NAV3: variants seen among roughly 807,000 people sequenced by gnomAD.
The protein encoded by NAV3 is pore membrane and/or filament interacting like protein 1.
In NAV3, 87 loss-of-function variants were observed where a neutral mutation model predicts 244.7. The observed-to-expected ratio is 0.36, with a 90% CI of 0.30 to 0.42. NAV3 has a LOEUF of 0.42. Among genes scored for constraint, NAV3 ranks in the 20% least tolerant of loss-of-function variants. NAV3 has a pLI of 1.00. For synonymous variants in NAV3, 1,126 were observed against 1,042.2 expected (o/e 1.08, Z -1.55); for missense variants, 2,663 against 2,893.3 (o/e 0.92, Z 1.83).
intron 2 of NAV3, among the ~76,000 whole-genome samples, chr12:77,754,664 C>G (rs1408543835): frequency 2.0e-5 from 3 of 152,072 alleles, no homozygotes; most frequent in Admixed American, 2.0e-4. Context: ...AATGGCAGCC[C>G]CATTGACTAG....
chr12:77,675,130 T>C lies in NAV3; in HGVS notation c.72+102864T>C, dbSNP rs1449333707. ...TTATTTACACATACTAAATAACTCA[T>C]GCAACAAATCAGAAGTAAAGAAAAA... On this transcript the variant is annotated intron_variant, in intron 2 of 8. Transcript: ENST00000550042. Among the ~76,000 whole-genome samples, 10 of 152,338 alleles carry C rather than the reference T, an allele frequency of 6.6e-5. 1 individual carries two copies. In the South Asian group the frequency reaches 1.4e-3, roughly 22 times the overall value.
chr12:77,853,026 A>G (rs562890052), intron 1 of NAV3, among the ~76,000 whole-genome samples: 3 of 152,334 alleles, frequency 2.0e-5, no homozygotes, highest in Non-Finnish European at 4.4e-5. Flanking sequence ...TAGGCAAGAC[A>G]TATACTCAGC....
At chr12:77,704,488 T>A (rs966830020) in intron 2 of NAV3, among the ~76,000 whole-genome samples, 1 of 152,216 alleles carries the variant, frequency 6.6e-6, no homozygotes, top group Non-Finnish European at 1.5e-5. Flanking sequence ...TGTGTACGTA[T>A]GGTCTAGAAA....
intron 3 of NAV3, among the ~76,000 whole-genome samples, chr12:77,961,359 T>C (rs1377291393): frequency 7.0e-6 from 1 of 142,066 alleles, no homozygotes; most frequent in African/African-American, 2.5e-5. Flanking sequence ...TATACATATA[T>C]GTAATATAAT....
In NAV3 at chr12:77,922,299, G is replaced by A. The variant is rs548290788; in HGVS notation, c.244-18020G>A. ...TTTTGATTTGTTTGTCTGTTTGTTTGTTTAATTTTTGAACTTTTGGAGGGC... is the reference window on the plus strand; with the variant it reads ...TTTTGATTTGTTTGTCTGTTTGTTTATTTAATTTTTGAACTTTTGGAGGGC... On this transcript the variant is annotated intron_variant, in intron 1 of 39. Coordinates refer to ENST00000397909, the MANE Select transcript of NAV3 (RefSeq NM_001024383.2). 2.6e-5 allele frequency among the ~76,000 whole-genome samples: 4 copies of A among 152,144 alleles called. No individual in the cohort carries two copies. The South Asian group carries it at 8.3e-4, about 32-fold the overall frequency.
intron 1 of NAV3, among the ~76,000 whole-genome samples, chr12:77,836,412 T>C (rs1340353293): frequency 6.6e-6 from 1 of 152,250 alleles, no homozygotes; most frequent in African/African-American, 2.4e-5. Context: ...CTCAGATTAC[T>C]TGTGCAAACT....
Position 77,593,533 on chromosome 12 carries a change from T to C in NAV3, c.72+21267T>C, listed in dbSNP as rs538907377. Among the ~76,000 whole-genome samples, 115 of 151,084 alleles carry C rather than the reference T, an allele frequency of 7.6e-4. 1 individual carries two copies. The South Asian group carries it at 0.023, about 30-fold the overall frequency. ...GGCGCGATCTCGGCTCACTGCAATC[T>C]CCACCTCCCGGGTTCAAGCGATTCT... On this transcript the variant is annotated intron_variant, in intron 2 of 8. Coordinates refer to the NAV3 transcript ENST00000550042.
chr12:77,629,701 A>C (rs939996239), intron 2 of NAV3, among the ~76,000 whole-genome samples: 1 of 152,188 alleles, frequency 6.6e-6, no homozygotes, highest in Non-Finnish European at 1.5e-5. Context: ...TACTCTCATG[A>C]TGTACTATAT....
chr12:78,098,955 G>GTT (rs11436048), intron 12 of NAV3, among the ~76,000 whole-genome samples: 3,797 of 143,322 alleles, frequency 0.026, 77 homozygotes, highest in Non-Finnish European at 0.039. Context: ...AGTATCCAGG[G>GTT]TTTTTTTTTT....
At chr12:77,647,885 G>T (rs929784217) in intron 2 of NAV3, among the ~76,000 whole-genome samples, 6 of 152,030 alleles carry the variant, frequency 3.9e-5, no homozygotes, top group African/African-American at 1.4e-4. Flanking sequence ...GTGGTTTTCT[G>T]TACTTTAATT....
intron 2 of NAV3, among the ~76,000 whole-genome samples, chr12:77,616,728 G>GCA (rs1164899516): frequency 6.7e-5 from 10 of 148,826 alleles, no homozygotes; most frequent in Non-Finnish European, 1.2e-4. Flanking sequence ...ACACACAGGC[G>GCA]CGCACACACA....
At chr12:77,684,126 A>G (rs976913509) in intron 2 of NAV3, among the ~76,000 whole-genome samples, 1 of 152,182 alleles carries the variant, frequency 6.6e-6, no homozygotes, top group African/African-American at 2.4e-5. Context: ...AATTTTAGCC[A>G]TTCTAATGAG....
chr12:77,665,608 A>G (rs1471441797), intron 2 of NAV3, among the ~76,000 whole-genome samples: 1 of 152,236 alleles, frequency 6.6e-6, no homozygotes, highest in Non-Finnish European at 1.5e-5. Context: ...AAAATCTGAT[A>G]TGATTTTTTT....
chr12:77,635,339 C>T (rs1872111911), intron 2 of NAV3, among the ~76,000 whole-genome samples: 1 of 152,140 alleles, frequency 6.6e-6, no homozygotes, highest in Non-Finnish European at 1.5e-5. Flanking sequence ...GGACTACAAA[C>T]ATGTGCCACA....
chr12:77,789,551 G>A (rs1337050504), intron 2 of NAV3, among the ~76,000 whole-genome samples: 3 of 150,982 alleles, frequency 2.0e-5, no homozygotes, highest in Non-Finnish European at 4.4e-5. Flanking sequence ...GCTCATGCCT[G>A]TAATCCCAGC....
chr12:77,991,236 G>T (rs1220455701), intron 5 of NAV3, among the ~76,000 whole-genome samples: 1 of 151,968 alleles, frequency 6.6e-6, no homozygotes, highest in East Asian at 1.9e-4. Context: ...ATGTTGGCCA[G>T]GCTGGTCTCA....
At chr12:78,098,471 A>G (rs1954369191) in intron 12 of NAV3, among the ~76,000 whole-genome samples, 1 of 151,932 alleles carries the variant, frequency 6.6e-6, no homozygotes, top group African/African-American at 2.4e-5. Context: ...CCACAATAAT[A>G]AATAGAAAAG....
At chr12:77,657,339 A>C (rs1190313691) in intron 2 of NAV3, among the ~76,000 whole-genome samples, 1 of 152,240 alleles carries the variant, frequency 6.6e-6, no homozygotes, top group Non-Finnish European at 1.5e-5. Context: ...CTCTACACAA[A>C]TAAGCTAGAA....
chr12:77,698,709 T>C (rs1430141514), intron 2 of NAV3, among the ~76,000 whole-genome samples: 2 of 152,176 alleles, frequency 1.3e-5, no homozygotes, highest in Admixed American at 6.6e-5. Flanking sequence ...ATAATTACTA[T>C]TTAATGGATG....
Sources: gnomAD v4.1 joint callset for allele counts (sites outside exome capture counted in the v4.1 genomes callset) on GRCh38, gnomAD v4.1.1 for gene constraint, MANE v1.5 for transcripts, NCBI Gene and HGNC (gene_info 2026-07-23, HGNC 2026-07-21) for gene names.